The following CHRDL1 variants were observed in gnomAD, a reference collection of about 807,000 sequenced individuals.
CHRDL1 encodes the protein chordin-like protein 1.
In CHRDL1, 19 loss-of-function variants were observed where a neutral mutation model predicts 40.9. That is an observed-to-expected ratio of 0.46 (90% CI 0.32 to 0.68). The LOEUF (loss-of-function observed/expected upper bound fraction) is 0.68. CHRDL1 is among the 30% of genes least tolerant of loss of function. The probability of loss-of-function intolerance (pLI) is 0.03; values close to 1 mark genes in which losing one functional copy is unlikely to be tolerated. For missense variants in CHRDL1, 329 were observed against 352.1 expected, an observed-to-expected ratio of 0.93 and a Z score of 0.53; for synonymous variants, 136 against 123.4, an observed-to-expected ratio of 1.10 and a Z score of -0.68.
chrX:110,677,595 T>C (rs1011809495), intron 11 of CHRDL1, among the ~76,000 whole-genome samples: 1 of 111,220 alleles, frequency 9.0e-6, no homozygotes, highest in Non-Finnish European at 1.9e-5. Flanking sequence ...ACTTCAGAAG[T>C]CCCATAATTG....
At chrX:110,709,081 T>C (rs1417273885) in intron 6 of CHRDL1, among the ~76,000 whole-genome samples, 2 of 112,352 alleles carry the variant, frequency 1.8e-5, no homozygotes, top group African/African-American at 6.5e-5. Context: ...TTTGGGCAAA[T>C]GAATTAACTT....
intron 2 of CHRDL1, among the ~76,000 whole-genome samples, chrX:110,774,181 A>G (rs904346596): frequency 8.9e-6 from 1 of 112,067 alleles, no homozygotes; most frequent in African/African-American, 3.2e-5. Flanking sequence ...TGAAATTAAT[A>G]TAACAACTCC....
At chrX:110,749,224 G>A (rs2089312232) in intron 4 of CHRDL1, among the ~76,000 whole-genome samples, 1 of 111,622 alleles carries the variant, frequency 9.0e-6, no homozygotes, top group Non-Finnish European at 1.9e-5. Flanking sequence ...TCTTGTGAAT[G>A]TGAAGAAATC....
intron 4 of CHRDL1, among the ~76,000 whole-genome samples, chrX:110,758,795 A>T (rs2089506591): frequency 8.9e-6 from 1 of 112,115 alleles, no homozygotes; most frequent in Non-Finnish European, 1.9e-5. Context: ...CAAAAACTGC[A>T]AGCAATTTTA....
chrX:110,721,968 C>A (rs2070964713), intron 4 of CHRDL1, among the ~76,000 whole-genome samples: 1 of 112,068 alleles, frequency 8.9e-6, no homozygotes, highest in Admixed American at 9.4e-5. Context: ...GGGGACCCAT[C>A]TATTATACTG....
intron 4 of CHRDL1, among the ~76,000 whole-genome samples, chrX:110,742,973 A>T (rs1382950207): frequency 8.9e-6 from 1 of 112,271 alleles, no homozygotes. Context: ...AGAAGTATCC[A>T]GCGAATGGGA....
chrX:110,762,182 T>A (rs965697071), intron 3 of CHRDL1, among the ~76,000 whole-genome samples: 1 of 112,398 alleles, frequency 8.9e-6, no homozygotes, highest in Non-Finnish European at 1.9e-5. Flanking sequence ...TATCTGTCCA[T>A]AGTAAATATT....
At chrX:110,745,805 T>A (rs1172326515) in intron 4 of CHRDL1, among the ~76,000 whole-genome samples, 1 of 112,001 alleles carries the variant, frequency 8.9e-6, no homozygotes, top group African/African-American at 3.2e-5. Context: ...TCTGTAAATG[T>A]TTGTGAAATT....
chrX:110,761,930 C>T (rs915510740), intron 3 of CHRDL1, among the ~76,000 whole-genome samples: 1 of 112,611 alleles, frequency 8.9e-6, no homozygotes, highest in Non-Finnish European at 1.9e-5. Context: ...TACAGGCCAA[C>T]GTTTCACAAA....
chrX:110,701,209 T>G lies in CHRDL1; in HGVS notation c.542-488A>C, dbSNP rs747779895. ...TATCATTATCTTCTAAAGTAACTGC[T>G]TATAGGAAGAATATTCTACTTTCAG... On this transcript the variant is annotated intron_variant, in intron 6 of 11. Coordinates refer to ENST00000372042, the MANE Select transcript of CHRDL1 (RefSeq NM_001143981.2). Among the ~76,000 whole-genome samples the G allele has an allele frequency of 4.5e-5, 5 of 111,399 alleles. No homozygotes were observed. The East Asian group carries it at 1.4e-3, about 31-fold the overall frequency.
intron 2 of CHRDL1, among the ~76,000 whole-genome samples, chrX:110,785,185 T>C (rs184800157): frequency 9.0e-6 from 1 of 111,564 alleles, no homozygotes; most frequent in East Asian, 2.8e-4. Context: ...TAGAATCAAA[T>C]TTGCATATCC....
intron 4 of CHRDL1, among the ~76,000 whole-genome samples, chrX:110,730,765 T>A (rs207478730): frequency 1.8e-5 from 2 of 111,102 alleles, no homozygotes; most frequent in Non-Finnish European, 1.9e-5. Flanking sequence ...TTAACCATCA[T>A]TTCCAGTGTC....
intron 6 of CHRDL1, among the ~76,000 whole-genome samples, chrX:110,705,314 CAT>C (rs1234464680): frequency 4.1e-5 from 3 of 73,493 alleles, no homozygotes; most frequent in African/African-American, 1.2e-4. Context: ...TACACACACA[CAT>C]ATATATATAC....
At chrX:110,788,569 C>A (rs1208065105) in intron 2 of CHRDL1, among the ~76,000 whole-genome samples, 1 of 111,815 alleles carries the variant, frequency 8.9e-6, no homozygotes, top group African/African-American at 3.3e-5. Context: ...ATGACCCAGG[C>A]CTACTCTTAC....
chrX:110,767,447 G>C (rs747621925), intron 2 of CHRDL1, among the ~76,000 whole-genome samples: 1 of 109,987 alleles, frequency 9.1e-6, no homozygotes, highest in Non-Finnish European at 1.9e-5. Flanking sequence ...AAACCATAAG[G>C]AGTCTTCCAG....
chrX:110,767,245 G>A (rs1428686663), intron 2 of CHRDL1, among the ~76,000 whole-genome samples: 4 of 111,221 alleles, frequency 3.6e-5, no homozygotes, highest in Non-Finnish European at 5.7e-5. Context: ...TACTGAATGG[G>A]GAAAAGTTGA....
intron 6 of CHRDL1, among the ~76,000 whole-genome samples, chrX:110,715,286 T>G (rs197028): frequency 0.077 from 8,548 of 111,411 alleles, 822 homozygotes; most frequent in African/African-American, 0.27. Flanking sequence ...GAACTAGAAC[T>G]AAAGTTCTGT....
At chrX:110,755,350 T>C (rs901469784) in intron 4 of CHRDL1, among the ~76,000 whole-genome samples, 1 of 112,200 alleles carries the variant, frequency 8.9e-6, no homozygotes, top group African/African-American at 3.2e-5. Flanking sequence ...CTGGTATTTC[T>C]GGAAGAGCTG....
intron 6 of CHRDL1, among the ~76,000 whole-genome samples, chrX:110,705,298 T>C (rs1361406176): frequency 9.2e-5 from 8 of 87,399 alleles, no homozygotes; most frequent in African/African-American, 3.7e-4. Flanking sequence ...TATATATATA[T>C]ATATATACAC....
Sources: gnomAD v4.1 joint callset for allele counts (sites outside exome capture counted in the v4.1 genomes callset) on GRCh38, gnomAD v4.1.1 for gene constraint, MANE v1.5 for transcripts, NCBI Gene and HGNC (gene_info 2026-07-23, HGNC 2026-07-21) for gene names.